ZNF536: variants seen among roughly 807,000 people sequenced by gnomAD.
ZNF536 encodes the protein zinc finger protein 536.
A neutral mutation model predicts 84.5 loss-of-function variants in ZNF536; 13 were observed. The ratio of observed to expected loss-of-function variants is 0.15; its 90% confidence interval spans 0.10 to 0.24. ZNF536 has a LOEUF of 0.24. ZNF536 is among the 10% of genes least tolerant of loss of function. The probability of loss-of-function intolerance (pLI) is 1.00; values close to 1 mark genes in which losing one functional copy is unlikely to be tolerated. For missense variants in ZNF536, 1,536 were observed against 1,747.5 expected (o/e 0.88, Z 2.16); for synonymous variants, 811 against 742.5 (o/e 1.09, Z -1.50).
chr19:30,347,592 G>T (rs1425332485), intron 2 of ZNF536, among the ~76,000 whole-genome samples: 1 of 152,150 alleles, frequency 6.6e-6, no homozygotes, highest in Non-Finnish European at 1.5e-5. Context: ...TTATCAGCAG[G>T]AGCCTACTGG....
intron 1 of ZNF536, among the ~76,000 whole-genome samples, chr19:30,698,865 T>C (rs904974760): frequency 3.3e-5 from 5 of 152,234 alleles, no homozygotes; most frequent in African/African-American, 9.6e-5. Context: ...TCCGTCTCCT[T>C]GAGCAAGAAA....
At chr19:30,461,709 G>A (rs1315807888) in intron 2 of ZNF536, among the ~76,000 whole-genome samples, 3 of 152,216 alleles carry the variant, frequency 2.0e-5, no homozygotes, top group Non-Finnish European at 4.4e-5. Context: ...CCGGCTCTCC[G>A]CCTGTGTGAG....
chr19:30,584,196 C>T (rs2047019179), intron 1 of ZNF536, among the ~76,000 whole-genome samples: 2 of 152,164 alleles, frequency 1.3e-5, no homozygotes, highest in African/African-American at 2.4e-5. Context: ...CTCACATCCC[C>T]CAGCAAGTCT....
chr19:30,681,013 G>C (rs2050946736), intron 1 of ZNF536, among the ~76,000 whole-genome samples: 1 of 152,170 alleles, frequency 6.6e-6, no homozygotes, highest in Non-Finnish European at 1.5e-5. Flanking sequence ...GTGATGGTGA[G>C]CATTTTTTCA....
At chr19:30,279,089 G>A (rs865950573) in intron 1 of ZNF536, among the ~76,000 whole-genome samples, 7 of 152,142 alleles carry the variant, frequency 4.6e-5, no homozygotes, top group African/African-American at 1.2e-4. Context: ...CTGTACCGCC[G>A]TTGCCCGCAT....
chr19:30,598,017 A>G (rs2047528901), intron 1 of ZNF536, among the ~76,000 whole-genome samples: 1 of 152,116 alleles, frequency 6.6e-6, no homozygotes, highest in South Asian at 2.1e-4. Flanking sequence ...TTGTATATAC[A>G]TTGTTGTTGA....
intron 1 of ZNF536, among the ~76,000 whole-genome samples, chr19:30,248,963 C>T (rs1000390658): frequency 2.0e-5 from 3 of 152,164 alleles, no homozygotes; most frequent in East Asian, 1.9e-4. Context: ...TGCTGCCAAA[C>T]GGGGGTTTAA....
chr19:30,256,377 T>G (rs1345301558), intron 1 of ZNF536, among the ~76,000 whole-genome samples: 1 of 152,226 alleles, frequency 6.6e-6, no homozygotes, highest in Non-Finnish European at 1.5e-5. Context: ...TTGGCCTAAT[T>G]GGACATTTTT....
chr19:30,666,822 G>A (rs569351005), intron 1 of ZNF536, among the ~76,000 whole-genome samples: 227 of 145,440 alleles, frequency 1.6e-3, no homozygotes, highest in African/African-American at 5.2e-3. Context: ...GTGTATATAT[G>A]TGTGTGTGTG....
At chr19:30,331,834 CCCCTGCAGGGGACCTTGTCTTCCCGCTG>C (rs2047221621) in intron 2 of ZNF536, among the ~76,000 whole-genome samples, 1 of 152,142 alleles carries the variant, frequency 6.6e-6, no homozygotes, top group Non-Finnish European at 1.5e-5. Flanking sequence ...TCCTCCCTGT[CCCCTGCAGGGGACCTTGTCTTCCCGCTG>C]CCCTTCACCC....
At chr19:30,405,403 A>G (rs551736022) in intron 1 of ZNF536, among the ~76,000 whole-genome samples, 5 of 152,300 alleles carry the variant, frequency 3.3e-5, no homozygotes, top group South Asian at 4.1e-4. Flanking sequence ...ACCTATGTAT[A>G]TATAATAACA....
At chr19:30,414,536 C>T (rs967639894) in intron 1 of ZNF536, among the ~76,000 whole-genome samples, 1 of 151,986 alleles carries the variant, frequency 6.6e-6, no homozygotes, top group East Asian at 1.9e-4. Context: ...AATGAGAATG[C>T]TTAATTTCTG....
intron 1 of ZNF536, among the ~76,000 whole-genome samples, chr19:30,436,235 C>G (rs2051740904): frequency 6.6e-6 from 1 of 152,208 alleles, no homozygotes; most frequent in Admixed American, 6.5e-5. Flanking sequence ...TTCTCCACAG[C>G]CTGATTTGAA....
intron 3 of ZNF536, among the ~76,000 whole-genome samples, chr19:30,363,649 G>A (rs868364497): frequency 6.6e-6 from 1 of 152,056 alleles, no homozygotes; most frequent in Non-Finnish European, 1.5e-5. Flanking sequence ...CAGGCGAGAT[G>A]GAGAGATCAG....
At chr19:30,451,313 A>C (rs2052596900) in intron 2 of ZNF536, among the ~76,000 whole-genome samples, 2 of 152,182 alleles carry the variant, frequency 1.3e-5, no homozygotes, top group Non-Finnish European at 2.9e-5. Context: ...CTGTCACATC[A>C]TCCTCCTCCT....
chr19:30,694,804 G>A (rs991854278), intron 1 of ZNF536, among the ~76,000 whole-genome samples: 5 of 152,196 alleles, frequency 3.3e-5, no homozygotes, highest in Admixed American at 3.3e-4. Flanking sequence ...TGGCCCCCAT[G>A]GGGGAGGCCT....
chr19:30,643,607 A>G (rs561531444), intron 1 of ZNF536, among the ~76,000 whole-genome samples: 28 of 152,272 alleles, frequency 1.8e-4, no homozygotes, highest in African/African-American at 6.0e-4. Flanking sequence ...TTGCTTCAAA[A>G]AGCCTTATTC....
chr19:30,665,939 G>A (rs965768077), intron 1 of ZNF536, among the ~76,000 whole-genome samples: 2 of 152,194 alleles, frequency 1.3e-5, no homozygotes, highest in African/African-American at 4.8e-5. Flanking sequence ...GATTCCTGGT[G>A]TGTCTGGGAT....
intron 1 of ZNF536, among the ~76,000 whole-genome samples, chr19:30,393,247 G>A (rs2049674801): frequency 1.3e-5 from 2 of 152,136 alleles, no homozygotes; most frequent in Non-Finnish European, 2.9e-5. Context: ...CGGGGGAGAG[G>A]AAATGAGAAC....
Sources: allele counts gnomAD v4.1 joint callset (sites outside exome capture counted in the v4.1 genomes callset), GRCh38; gene constraint gnomAD v4.1.1; transcripts MANE v1.5; gene names NCBI Gene and HGNC (gene_info 2026-07-23, HGNC 2026-07-21).